Variants in CSMD1 observed in about 807,000 individuals in gnomAD.
The protein encoded by CSMD1 is CUB and Sushi multiple domains 1, also known as CUB and sushi domain-containing protein 1.
In CSMD1, 213 loss-of-function variants were observed where a neutral mutation model predicts 417.5. That is an observed-to-expected ratio of 0.51 (90% CI 0.46 to 0.57). CSMD1 has a LOEUF of 0.57. Ranked by LOEUF, CSMD1 falls within the 20% of genes least tolerant of loss-of-function variation. CSMD1 has a pLI of 0.00. For missense variants in CSMD1, 6,923 were observed against 4,529.7 expected (o/e 1.53, Z -15.17); for synonymous variants, 2,862 against 1,736.8 (o/e 1.65, Z -16.11).
At chr8:3,677,512 G>T (rs966223088) in intron 7 of CSMD1, among the ~76,000 whole-genome samples, 3 of 152,192 alleles carry the variant, frequency 2.0e-5, no homozygotes, top group Non-Finnish European at 4.4e-5. Flanking sequence ...CACAGGGAAT[G>T]CCCAGGTGTC....
chr8:3,284,060 C>A (rs941265841), intron 26 of CSMD1, 84 bp downstream of exon 26: 18 of 1,125,338 alleles, frequency 1.6e-5, no homozygotes, highest in Middle Eastern at 2.0e-4. Context: ...TAAGGAGACG[C>A]TGGTGAATAT....
chr8:4,859,836 G>T (rs1463947376), intron 1 of CSMD1, among the ~76,000 whole-genome samples: 1 of 152,116 alleles, frequency 6.6e-6, no homozygotes, highest in South Asian at 2.1e-4. Context: ...TTCAACCATT[G>T]TGGAAGTCAG....
At chr8:3,412,199 TACAC>T (rs796788727) in intron 12 of CSMD1, among the ~76,000 whole-genome samples, 1 of 121,696 alleles carries the variant, frequency 8.2e-6, no homozygotes, top group Admixed American at 8.9e-5. Context: ...TATACATACA[TACAC>T]ACACACACAC....
intron 2 of CSMD1, among the ~76,000 whole-genome samples, chr8:4,551,520 G>T (rs1331710652): frequency 6.6e-6 from 1 of 152,048 alleles, no homozygotes; most frequent in Non-Finnish European, 1.5e-5. Context: ...AATGCTACCT[G>T]CCCAACCATC....
rs111205009 is a variant in CSMD1, at chr8:3,796,443, G to T, written c.819-42401C>A. 4.4e-5 allele frequency among the ~76,000 whole-genome samples: 2 copies of T among 45,684 alleles called. 1 individual carries two copies. Among genetic ancestry groups the T allele is most frequent in the Admixed American group, 4.6e-4 (2 of 4,378 alleles). The allele number at this position is 45,684 out of a possible 152,430, so 30.0% of individuals were successfully genotyped here. A position where few individuals can be genotyped will look rare whatever the true frequency, so the allele number is the denominator to read the frequency against. On this transcript the variant is annotated intron_variant, in intron 5 of 69. Coordinates refer to ENST00000635120, the MANE Select transcript of CSMD1 (RefSeq NM_033225.6). ...TCATGTATAGATATATATATCTATC[G>T]TGTATAGATATAGATATCTATCATG...
At chr8:4,397,520 ACTC>A (rs1018735203) in intron 3 of CSMD1, among the ~76,000 whole-genome samples, 1 of 110,442 alleles carries the variant, frequency 9.1e-6, no homozygotes, top group Non-Finnish European at 1.8e-5. Context: ...CAAGCCTGAG[ACTC>A]TTTTTTTTTT....
intron 1 of CSMD1, among the ~76,000 whole-genome samples, chr8:4,947,493 G>C (rs1808448661): frequency 6.6e-6 from 1 of 152,066 alleles, no homozygotes. Context: ...GAGAAAATGA[G>C]AACCATGTGG....
chr8:2,974,473 G>T lies in CSMD1; in HGVS notation c.8718C>A (p.Ser2906Arg). 6.2e-7 allele frequency: 1 copy of T among 1,610,554 alleles called. No homozygotes were observed. The stretch of plus-strand genomic sequence containing the variant: ...CACCTGTGCAGTGGGGCAGTGCCCC[G>T]CTCCAGTGACTGTCTTCCTGGCACA... ...TRVCQEDSHWSGALPHCTGNN... is the reference protein window; with the variant it reads ...TRVCQEDSHWRGALPHCTGNN... The change falls in exon 56 of 70, where the codon AGC (serine) becomes AGA (arginine). Residue 2906 changes from serine (S) to arginine (R), a missense_variant. By Grantham distance (110) the Ser-to-Arg change is moderately radical. Transcript: ENST00000635120.
intron 55 of CSMD1, 147 bp from the exon 56 acceptor site, chr8:2,974,771 T>C (rs1282614905): frequency 2.0e-6 from 1 of 503,374 alleles, no homozygotes; most frequent in Non-Finnish European, 3.2e-6. Flanking sequence ...TTGTGAGAAA[T>C]ACCAATTTTC....
chr8:4,254,445 T>C (rs759357337), intron 3 of CSMD1, among the ~76,000 whole-genome samples: 3 of 152,156 alleles, frequency 2.0e-5, no homozygotes, highest in Non-Finnish European at 2.9e-5. Context: ...AGCTGAACAA[T>C]GATCACTAAG....
At chr8:3,794,870 G>GAT (rs1485482464) in intron 5 of CSMD1, among the ~76,000 whole-genome samples, 1 of 52,620 alleles carries the variant, frequency 1.9e-5, no homozygotes, top group East Asian at 4.5e-4. Flanking sequence ...ATTTACCAAT[G>GAT]ATCTCTCTCT....
At chr8:3,969,229 G>GAT (rs1304293272) in intron 5 of CSMD1, among the ~76,000 whole-genome samples, 22 of 152,280 alleles carry the variant, frequency 1.4e-4, no homozygotes, top group African/African-American at 4.8e-4. Context: ...CAGCCTGGGT[G>GAT]ACAGAGTGAG....
chr8:3,780,094 G>T (rs1368614030), intron 5 of CSMD1, among the ~76,000 whole-genome samples: 2 of 152,182 alleles, frequency 1.3e-5, no homozygotes, highest in Non-Finnish European at 2.9e-5. Context: ...TACTGTACCA[G>T]TCGGTGTTGC....
At chr8:3,250,809 G>T (rs555320205) in intron 26 of CSMD1, among the ~76,000 whole-genome samples, 19 of 152,196 alleles carry the variant, frequency 1.2e-4, no homozygotes, top group African/African-American at 4.6e-4. Flanking sequence ...TTCTCTGATG[G>T]CCAGTGATGA....
chr8:3,318,072 A>T (rs1011115160), intron 23 of CSMD1, among the ~76,000 whole-genome samples: 3 of 152,190 alleles, frequency 2.0e-5, no homozygotes, highest in African/African-American at 7.2e-5. Context: ...AAATGTTGGG[A>T]TTACAAGCGT....
At chr8:4,237,221 T>A (rs1486592704) in intron 3 of CSMD1, among the ~76,000 whole-genome samples, 1 of 152,198 alleles carries the variant, frequency 6.6e-6, no homozygotes, top group African/African-American at 2.4e-5. Flanking sequence ...ATTGTTTAAT[T>A]TTTTCCGAAG....
At chr8:4,223,822 TTTTC>T (rs1291500575) in intron 3 of CSMD1, among the ~76,000 whole-genome samples, 2 of 151,574 alleles carry the variant, frequency 1.3e-5, no homozygotes, top group East Asian at 3.9e-4. Context: ...AGTGAAACTG[TTTTC>T]TTTTTTTGTT....
intron 41 of CSMD1, among the ~76,000 whole-genome samples, chr8:3,141,838 C>T (rs1302870781): frequency 2.0e-5 from 3 of 151,046 alleles, no homozygotes; most frequent in Admixed American, 6.6e-5. Flanking sequence ...GGCTCTGTCG[C>T]CCAGGCTGGA....
chr8:4,942,862 T>C (rs916139270), intron 1 of CSMD1, among the ~76,000 whole-genome samples: 2 of 152,242 alleles, frequency 1.3e-5, no homozygotes, highest in African/African-American at 4.8e-5. Flanking sequence ...CCTTTATTTG[T>C]ATCCAAAACA....
Sources: allele counts gnomAD v4.1 joint callset (sites outside exome capture counted in the v4.1 genomes callset), GRCh38; gene constraint gnomAD v4.1.1; transcripts MANE v1.5; gene names NCBI Gene and HGNC (gene_info 2026-07-23, HGNC 2026-07-21).